RBM25: variants seen among roughly 807,000 people sequenced by gnomAD.
The protein encoded by RBM25 is RNA-binding protein 25.
RBM25 carries 19 observed loss-of-function variants against 120.7 expected under a neutral mutation model. The observed-to-expected ratio is 0.16, with a 90% CI of 0.11 to 0.23. The LOEUF (loss-of-function observed/expected upper bound fraction) is 0.23, where lower values mean the gene tolerates loss of function less well. Ranked by LOEUF, RBM25 falls within the 10% of genes least tolerant of loss-of-function variation. RBM25 has a pLI of 1.00. For missense variants in RBM25, 605 were observed against 1,041.5 expected (o/e 0.58, Z 5.77); for synonymous variants, 390 against 326.7 (o/e 1.19, Z -2.09).
chr14:73,068,043 C>G (rs541156806), intron 1 of RBM25: 1 of 421,224 alleles, frequency 2.4e-6, no homozygotes, highest in African/African-American at 2.0e-5. Flanking sequence ...TGGGGTGCAG[C>G]GCACACTGGT....
intron 13 of RBM25, chr14:73,109,015 C>G (rs362435): frequency 0.053 from 8,445 of 160,390 alleles, 295 homozygotes; most frequent in Non-Finnish European, 0.081. Context: ...TCTAGGAAAA[C>G]GAAAATTATT....
chr14:73,079,814 T>G (rs1895516881), intron 4 of RBM25, among the ~76,000 whole-genome samples: 1 of 150,680 alleles, frequency 6.6e-6, no homozygotes, highest in South Asian at 2.1e-4. Context: ...TTCTATTACT[T>G]CCATGGGATT....
intron 10 of RBM25, among the ~76,000 whole-genome samples, chr14:73,103,990 A>ACT (rs764640144): frequency 0.012 from 1,348 of 116,380 alleles, 12 homozygotes; most frequent in Non-Finnish European, 0.017. Context: ...ACACACACAC[A>ACT]CACACTCTCT....
intron 6 of RBM25, among the ~76,000 whole-genome samples, chr14:73,089,051 G>A (rs913317776): frequency 6.6e-6 from 1 of 152,150 alleles, no homozygotes. Context: ...TGAGGCAGGA[G>A]AATCGCTTGA....
chr14:73,069,659 C>G (rs1009038181), intron 1 of RBM25, among the ~76,000 whole-genome samples: 1 of 148,100 alleles, frequency 6.8e-6, no homozygotes, highest in African/African-American at 2.5e-5. Flanking sequence ...TCCTGAACTC[C>G]CAACCTCAGG....
At chr14:73,072,498 TA>T (rs1180826106) in intron 2 of RBM25, among the ~76,000 whole-genome samples, 4 of 151,974 alleles carry the variant, frequency 2.6e-5, no homozygotes, top group Non-Finnish European at 5.9e-5. Context: ...TTTATGGAGT[TA>T]AAAAAAATGT....
rs902421470 is a variant in RBM25, at chr14:73,103,084, G to A, written c.868-108G>A. ...AAAACCACAAGTATTTAATATTAAT[G>A]TATCAGTGGTTTGGTGTTTTTGTTC... is the stretch of plus-strand genomic sequence containing the variant. On this transcript the variant is annotated intron_variant, in intron 9 of 18. Coordinates refer to ENST00000261973, the MANE Select transcript of RBM25 (RefSeq NM_021239.3). The A allele has an allele frequency of 3.3e-6, 5 of 1,515,900 alleles. No individual in the cohort carries two copies. In the Admixed American group the frequency reaches 1.1e-4, roughly 34 times the overall value. The allele number at this position is 1,515,900 out of a possible 1,614,324, so 93.9% of individuals were successfully genotyped here.
chr14:73,059,847 T>A (rs1894958080), intron 1 of RBM25, among the ~76,000 whole-genome samples: 2 of 152,314 alleles, frequency 1.3e-5, no homozygotes, highest in African/African-American at 4.8e-5. Flanking sequence ...TTTGTTCCTC[T>A]GTAAAATGAA....
At chr14:73,071,481 C>T (rs1370647763) in intron 1 of RBM25, 146 bp from the exon 2 acceptor site, 5 of 618,022 alleles carry the variant, frequency 8.1e-6, no homozygotes, top group African/African-American at 7.5e-5. Context: ...TAAGAATTCT[C>T]AATGAAAAGA....
At chr14:73,074,228 A>C (rs1986616) in intron 2 of RBM25, among the ~76,000 whole-genome samples, 1 of 151,784 alleles carries the variant, frequency 6.6e-6, no homozygotes, top group African/African-American at 2.4e-5. Context: ...TTAATTTATT[A>C]ATTTTTTTGA....
In RBM25 at chr14:73,068,583, A is replaced by T. The variant is rs993331699; in HGVS notation, c.-15-3044A>T. 1.4e-5 allele frequency: 8 copies of T among 554,036 alleles called. No individual in the cohort carries two copies. In the Admixed American group the frequency reaches 1.7e-4, roughly 12 times the overall value. The allele number at this position is 554,036 out of a possible 1,614,324, so 34.3% of individuals were successfully genotyped here. ...TGATGTGCTTTTGCCAGTGTACGGT[A>T]GATCTGACCATGGCTCTGAGAAGTC... On this transcript the variant is annotated intron_variant, in intron 1 of 18. Transcript: ENST00000261973.
intron 6 of RBM25, among the ~76,000 whole-genome samples, chr14:73,090,273 G>T (rs535238048): frequency 6.6e-6 from 1 of 151,964 alleles, no homozygotes; most frequent in Non-Finnish European, 1.5e-5. Flanking sequence ...CTGGTCTTGA[G>T]CTCCTGACCT....
intron 2 of RBM25, among the ~76,000 whole-genome samples, chr14:73,073,784 T>G (rs1461663726): frequency 6.6e-6 from 1 of 152,230 alleles, no homozygotes; most frequent in African/African-American, 2.4e-5. Context: ...ATGCTTGTAG[T>G]GGAGCTGCTT....
In RBM25 at chr14:73,120,843, C is replaced by T. The variant is rs888938613; in HGVS notation, c.*1038C>T. The T allele has an allele frequency of 2.6e-5, 4 of 152,116 alleles. No individual in the cohort carries two copies. Among genetic ancestry groups the T allele is most frequent in the Non-Finnish European group, 4.4e-5 (3 of 68,014 alleles). The allele number at this position is 152,116 out of a possible 1,614,324, so 9.4% of individuals were successfully genotyped here. ...TTACAAACATGATAGGTATTCTGCT[C>T]GGCAATTTGTAAGTTTACATGTTAT... On this transcript the variant is annotated 3_prime_UTR_variant, in exon 19 of 19. Coordinates refer to ENST00000261973, the MANE Select transcript of RBM25 (RefSeq NM_021239.3).
chr14:73,066,556 C>G (rs1032032261), intron 1 of RBM25, among the ~76,000 whole-genome samples: 2 of 149,914 alleles, frequency 1.3e-5, no homozygotes, highest in African/African-American at 2.5e-5. Flanking sequence ...GAGGCTGAGG[C>G]AGGAGAATCG....
At chr14:73,078,472 G>A (rs1566586055) in intron 4 of RBM25, among the ~76,000 whole-genome samples, 1 of 152,114 alleles carries the variant, frequency 6.6e-6, no homozygotes, top group Non-Finnish European at 1.5e-5. Context: ...GCCCGAGCAA[G>A]AGAGTCTCTA....
intron 7 of RBM25, among the ~76,000 whole-genome samples, chr14:73,098,572 G>A (rs1278020004): frequency 6.6e-6 from 1 of 152,018 alleles, no homozygotes; most frequent in Non-Finnish European, 1.5e-5. Context: ...TTTCTTTGTG[G>A]CCAGATACAT....
intron 4 of RBM25, among the ~76,000 whole-genome samples, chr14:73,078,410 G>A (rs1895475996): frequency 6.6e-6 from 1 of 152,168 alleles, no homozygotes; most frequent in South Asian, 2.1e-4. Flanking sequence ...AGAATTGCTT[G>A]AGTCTAGGAG....
chr14:73,068,615 G>T (rs772772797), intron 1 of RBM25: 4 of 463,808 alleles, frequency 8.6e-6, no homozygotes, highest in Non-Finnish European at 1.2e-5. Context: ...AGTCTGGCTG[G>T]CATTACCACA....
Sources: allele counts gnomAD v4.1 joint callset (sites outside exome capture counted in the v4.1 genomes callset), GRCh38; gene constraint gnomAD v4.1.1; transcripts MANE v1.5; gene names NCBI Gene and HGNC (gene_info 2026-07-23, HGNC 2026-07-21).